Variants in CELF2 observed in about 807,000 individuals in gnomAD.
The protein encoded by CELF2 is CUG triplet repeat RNA-binding protein 2.
Under a neutral mutation model 62.6 loss-of-function variants are expected in CELF2, and 8 were observed. That is an observed-to-expected ratio of 0.13 (90% CI 0.07 to 0.23). CELF2 has a LOEUF of 0.23. CELF2 is among the 10% of genes least tolerant of loss of function. The pLI is 1.00. For missense variants in CELF2, 333 were observed against 671.0 expected (o/e 0.50, Z 5.56); for synonymous variants, 258 against 250.0 (o/e 1.03, Z -0.30).
At chr10:10,834,833 G>GT (rs2058145956) in intron 1 of CELF2, among the ~76,000 whole-genome samples, 1 of 152,176 alleles carries the variant, frequency 6.6e-6, no homozygotes, top group Non-Finnish European at 1.5e-5. Flanking sequence ...CAGGCTCCCA[G>GT]CAGGCAGCCT....
intron 1 of CELF2, among the ~76,000 whole-genome samples, chr10:10,899,198 C>CAAAATAAGTG (rs1485172206): frequency 1.3e-5 from 2 of 151,908 alleles, no homozygotes; most frequent in Non-Finnish European, 2.9e-5. Flanking sequence ...TAATTAAACA[C>CAAAATAAGTG]AAAATAAGTG....
At chr10:10,731,791 G>T in the CELF2 span, among the ~76,000 whole-genome samples, 1 of 152,262 alleles carries the variant, frequency 6.6e-6, no homozygotes, top group African/African-American at 2.4e-5. Context: ...AAGAAGGAAT[G>T]TTCTGTTCAG....
chr10:11,284,661 A>T (rs1448126156), intron 8 of CELF2, among the ~76,000 whole-genome samples: 1 of 147,578 alleles, frequency 6.8e-6, no homozygotes, highest in Non-Finnish European at 1.5e-5. Flanking sequence ...GGGTGTGCTG[A>T]TGAAGGATGT....
chr10:11,154,287 G>A (rs2063879829), intron 1 of CELF2, among the ~76,000 whole-genome samples: 1 of 152,234 alleles, frequency 6.6e-6, no homozygotes. Flanking sequence ...TGGAATTTAT[G>A]ACTTGCTGAG....
At chr10:10,731,789 A>T in the CELF2 span, among the ~76,000 whole-genome samples, 1 of 152,174 alleles carries the variant, frequency 6.6e-6, no homozygotes, top group East Asian at 1.9e-4. Flanking sequence ...AGAAGAAGGA[A>T]TGTTCTGTTC....
intron 2 of CELF2, among the ~76,000 whole-genome samples, chr10:11,212,929 A>C (rs1018677920): frequency 5.9e-5 from 9 of 152,152 alleles, no homozygotes; most frequent in Admixed American, 4.6e-4. Context: ...GAATCGTCCC[A>C]TGCAGGTGCT....
chr10:10,887,732 T>G (rs1330563371), intron 1 of CELF2, among the ~76,000 whole-genome samples: 1 of 152,052 alleles, frequency 6.6e-6, no homozygotes, highest in Non-Finnish European at 1.5e-5. Flanking sequence ...GGGAAACTTT[T>G]CAGAGGAAAG....
At chr10:11,281,668 G>A (rs759719329) in intron 8 of CELF2, among the ~76,000 whole-genome samples, 60 of 152,160 alleles carry the variant, frequency 3.9e-4, no homozygotes, top group Non-Finnish European at 4.0e-4. Context: ...TAGGAGGATC[G>A]CTTGAGCCTG....
the CELF2 span, among the ~76,000 whole-genome samples, chr10:10,529,415 A>C: frequency 1.3e-5 from 2 of 152,198 alleles, no homozygotes; most frequent in African/African-American, 4.8e-5. Flanking sequence ...GGCAGGGCAC[A>C]GTGGCTCACA....
intron 1 of CELF2, among the ~76,000 whole-genome samples, chr10:11,141,092 C>G (rs921350807): frequency 3.3e-5 from 5 of 152,160 alleles, no homozygotes; most frequent in African/African-American, 1.2e-4. Flanking sequence ...GAACACTCAC[C>G]ACATGCCGGG....
At chr10:10,615,051 T>G in the CELF2 span, among the ~76,000 whole-genome samples, 3 of 152,042 alleles carry the variant, frequency 2.0e-5, no homozygotes, top group Admixed American at 6.5e-5. Flanking sequence ...CATCTTCCAG[T>G]TCCTGGGAGC....
At chr10:11,169,272 C>G (rs2068121245) in intron 2 of CELF2, 1 of 152,144 alleles carries the variant, frequency 6.6e-6, no homozygotes, top group Non-Finnish European at 1.5e-5. Flanking sequence ...ACAGGTAACT[C>G]TCATACAAAA....
chr10:10,768,577 C>CT, the CELF2 span, among the ~76,000 whole-genome samples: 524 of 138,506 alleles, frequency 3.8e-3, 1 homozygote, highest in Admixed American at 4.5e-3. Flanking sequence ...TTTTCTTTTT[C>CT]TTTTTTTTTT....
chr10:10,612,147 A>G, the CELF2 span, among the ~76,000 whole-genome samples: 5 of 152,292 alleles, frequency 3.3e-5, no homozygotes, highest in South Asian at 2.1e-4. Context: ...TATCCCCACA[A>G]TGGTCAGTAT....
At chr10:10,555,368 C>A in the CELF2 span, among the ~76,000 whole-genome samples, 1 of 151,658 alleles carries the variant, frequency 6.6e-6, no homozygotes, top group Non-Finnish European at 1.5e-5. Flanking sequence ...GTTCAGTCTC[C>A]GTTCTGTATT....
chr10:11,026,897 A>G (rs528160507), intron 1 of CELF2, among the ~76,000 whole-genome samples: 79 of 152,166 alleles, frequency 5.2e-4, no homozygotes, highest in African/African-American at 1.8e-3. Flanking sequence ...TTGACTTCCT[A>G]CATTATAGGA....
intron 7 of CELF2, among the ~76,000 whole-genome samples, chr10:11,272,482 T>C (rs2084191123): frequency 6.6e-6 from 1 of 151,622 alleles, no homozygotes; most frequent in South Asian, 2.1e-4. Flanking sequence ...GCTTCCCCCA[T>C]CCACCATTTC....
chr10:11,177,511 T>G lies in CELF2; in HGVS notation c.271+11829T>G, dbSNP rs2071662231. 6.6e-6 allele frequency among the ~76,000 whole-genome samples: 1 copy of G among 152,164 alleles called. No homozygotes were observed. Among genetic ancestry groups the G allele is most frequent in the Admixed American group, 6.5e-5 (1 of 15,284 alleles). ...ATTAAGAAAAATCAGTGAAGAAATG[T>G]TGCTTAATTTGTACACTTCCCTGCA... On this transcript the variant is annotated intron_variant, in intron 2 of 12. Coordinates refer to ENST00000633077, the MANE Select transcript of CELF2 (RefSeq NM_001326342.2). This position sits in a 1 kb window ranked among gnomAD's most constrained non-coding sequence, Gnocchi z 4.8.
chr10:10,662,697 A>G, the CELF2 span, among the ~76,000 whole-genome samples: 1 of 83,090 alleles, frequency 1.2e-5, no homozygotes, highest in Non-Finnish European at 2.5e-5. Context: ...CTAAATTGAC[A>G]AAAAAAAAAG....
Sources: allele counts gnomAD v4.1 joint callset (sites outside exome capture counted in the v4.1 genomes callset), GRCh38; gene constraint gnomAD v4.1.1; non-coding constraint Gnocchi (gnomAD v3.1); transcripts MANE v1.5; gene names NCBI Gene and HGNC (gene_info 2026-07-23, HGNC 2026-07-21).